The following RABGAP1L variants were observed in gnomAD, a reference collection of about 807,000 sequenced individuals.
RABGAP1L encodes rab GTPase-activating protein 1-like.
A neutral mutation model predicts 137.7 loss-of-function variants in RABGAP1L; 63 were observed. The ratio of observed to expected loss-of-function variants is 0.46; its 90% CI spans 0.37 to 0.56. The LOEUF (loss-of-function observed/expected upper bound fraction) is 0.56, where lower values mean the gene tolerates loss of function less well. RABGAP1L is among the 20% of genes least tolerant of loss of function. The pLI is 0.00. For synonymous variants in RABGAP1L, 431 were observed against 433.7 expected (o/e 0.99, Z 0.08); for missense variants, 1,095 against 1,244.0 (o/e 0.88, Z 1.80).
chr1:174,329,896 A>AT lies in RABGAP1L; in HGVS notation c.1465+24778dup, dbSNP rs879559006. Among the ~76,000 whole-genome samples the AT allele has an allele frequency of 7.8e-4, 118 of 150,622 alleles. 1 individual carries two copies. Among genetic ancestry groups the AT allele is most frequent in the East Asian group, 2.9e-3 (15 of 5,160 alleles). ...AAACAAGGAAAATTTCATAATAATAATTTTTTTTTAAAAAAAGACTGATTT... is the reference window on the plus strand; with the variant it reads ...AAACAAGGAAAATTTCATAATAATAATTTTTTTTTTAAAAAAAGACTGATTT... On this transcript the variant is annotated intron_variant, in intron 11 of 25. Coordinates refer to ENST00000681986, the MANE Select transcript of RABGAP1L (RefSeq NM_001366446.1).
At chr1:174,823,040 T>C (rs1323588417) in intron 19 of RABGAP1L, among the ~76,000 whole-genome samples, 1 of 152,222 alleles carries the variant, frequency 6.6e-6, no homozygotes, top group African/African-American at 2.4e-5. Flanking sequence ...GCATTATGCC[T>C]TTATAGACGT....
At position 174,503,809 on chromosome 1, in the gene RABGAP1L, T is replaced by A. The variant is rs185120160; in HGVS notation, c.1710+109664T>A. 8.1e-4 allele frequency among the ~76,000 whole-genome samples: 123 copies of A among 151,934 alleles called. 1 individual carries two copies. Among genetic ancestry groups the A allele is most frequent in the Non-Finnish European group, 1.2e-3 (83 of 67,938 alleles). On this transcript the variant is annotated intron_variant, in intron 13 of 25. Transcript: ENST00000681986. ...TCAGGAATAAATTTTACCAAGGAGA[T>A]GAAAGACCTCTACACTGAAAACTAT...
Position 174,986,085 on chromosome 1 carries a change from C to T in RABGAP1L, c.2806-2556C>T, listed in dbSNP as rs145471882. Among the ~76,000 whole-genome samples the T allele has an allele frequency of 2.9e-3, 442 of 152,184 alleles. 2 individuals carry two copies. Among genetic ancestry groups the T allele is most frequent in the African/African-American group, 9.8e-3 (407 of 41,522 alleles). On this transcript the variant is annotated intron_variant, in intron 24 of 25. Coordinates refer to ENST00000681986, the MANE Select transcript of RABGAP1L (RefSeq NM_001366446.1). ...TCCCAAGTACATGGGATTACAGTCA[C>T]GCGCCTCCACACCCGGCTAATTTTT...
chr1:174,946,918 AT>A (rs1297215682), intron 19 of RABGAP1L, among the ~76,000 whole-genome samples: 14,429 of 42,426 alleles, frequency 0.34, 2,683 homozygotes, highest in African/African-American at 0.38. Context: ...AAAAAAAAAA[AT>A]ATATATATAT....
intron 13 of RABGAP1L, among the ~76,000 whole-genome samples, chr1:174,579,320 G>A (rs942385474): frequency 1.3e-5 from 2 of 152,080 alleles, no homozygotes; most frequent in African/African-American, 4.8e-5. Context: ...TGATGGGTTA[G>A]GGCAGTTCCT....
intron 17 of RABGAP1L, among the ~76,000 whole-genome samples, chr1:174,748,966 C>G (rs1684108992): frequency 6.6e-6 from 1 of 151,698 alleles, no homozygotes; most frequent in Admixed American, 6.6e-5. Flanking sequence ...CACTTGAGGT[C>G]AAAAGTTTGA....
rs1685251919 is a variant in RABGAP1L, at chr1:174,373,246, C to G, written c.1559+2174C>G. 2.6e-5 allele frequency among the ~76,000 whole-genome samples: 4 copies of G among 152,094 alleles called. 1 individual carries two copies. Among genetic ancestry groups the G allele is most frequent in the Admixed American group, 2.0e-4 (3 of 15,250 alleles). Reference sequence around the variant, plus strand: ...GTGTGTTCTAGTTAGAGGCAGATGACTTTTTCAGTCTCAGACCAGGCTGGG... The same window carrying G: ...GTGTGTTCTAGTTAGAGGCAGATGAGTTTTTCAGTCTCAGACCAGGCTGGG... On this transcript the variant is annotated intron_variant, in intron 12 of 25. Coordinates refer to ENST00000681986, the MANE Select transcript of RABGAP1L (RefSeq NM_001366446.1).
intron 17 of RABGAP1L, among the ~76,000 whole-genome samples, chr1:174,729,696 A>C (rs948390060): frequency 6.6e-6 from 1 of 152,190 alleles, no homozygotes; most frequent in Non-Finnish European, 1.5e-5. Context: ...AAGACATACA[A>C]GCAGCCAAAA....
chr1:174,932,508 A>G (rs565426330), intron 19 of RABGAP1L, among the ~76,000 whole-genome samples: 26 of 152,220 alleles, frequency 1.7e-4, no homozygotes, highest in Middle Eastern at 3.4e-3. Context: ...CATTCATTCT[A>G]TCAGATGGAG....
intron 18 of RABGAP1L, among the ~76,000 whole-genome samples, chr1:174,777,715 T>A: frequency 6.6e-6 from 1 of 151,884 alleles, no homozygotes; most frequent in Non-Finnish European, 1.5e-5. Context: ...AAATTAAACT[T>A]TAAGAGATAA....
intron 19 of RABGAP1L, among the ~76,000 whole-genome samples, chr1:174,929,756 A>ATAAAT (rs1475864675): frequency 7.3e-6 from 1 of 136,132 alleles, no homozygotes; most frequent in Non-Finnish European, 1.6e-5. Flanking sequence ...TCTACAAAAA[A>ATAAAT]TAAATAAATA....
At chr1:174,608,802 A>C (rs961371533) in intron 13 of RABGAP1L, among the ~76,000 whole-genome samples, 10 of 152,198 alleles carry the variant, frequency 6.6e-5, no homozygotes, top group Non-Finnish European at 1.3e-4. Flanking sequence ...TGAAGGGCAG[A>C]AAGTTTAGGA....
chr1:174,276,102 C>T (rs1347051304), intron 9 of RABGAP1L, among the ~76,000 whole-genome samples, 167 bp downstream of exon 9: 1 of 151,962 alleles, frequency 6.6e-6, no homozygotes, highest in Non-Finnish European at 1.5e-5. Flanking sequence ...GAAATCTCCA[C>T]TATTTAAAAA....
At chr1:174,749,524 G>A (rs1354731769) in intron 17 of RABGAP1L, among the ~76,000 whole-genome samples, 1 of 151,886 alleles carries the variant, frequency 6.6e-6, no homozygotes, top group Non-Finnish European at 1.5e-5. Flanking sequence ...TGTAGAGATG[G>A]GGTCTCACTT....
chr1:174,622,137 A>G (rs1313807497), intron 13 of RABGAP1L, among the ~76,000 whole-genome samples: 1 of 152,224 alleles, frequency 6.6e-6, no homozygotes, highest in Non-Finnish European at 1.5e-5. Flanking sequence ...AGAAATGCAA[A>G]TCAAAACCAC....
At chr1:174,365,003 T>C (rs1684488770) in intron 11 of RABGAP1L, among the ~76,000 whole-genome samples, 1 of 152,168 alleles carries the variant, frequency 6.6e-6, no homozygotes, top group African/African-American at 2.4e-5. Context: ...GTGTCCAAGA[T>C]GCAAGACAGA....
At position 174,448,633 on chromosome 1, in the gene RABGAP1L, G is replaced by A. The variant is rs768060874; in HGVS notation, c.1710+54488G>A. 1.9e-6 allele frequency: 3 copies of A among 1,613,794 alleles called. No individual in the cohort carries two copies. The highest frequency in any genetic ancestry group is 1.7e-5 in the Admixed American group (1 of 60,016). ...GGATCTACTCCTGCCTAATTTTCTT[G>A]CCTTCCTTTTTTGGCTGGGGGAAAC... On this transcript the variant is annotated intron_variant, in intron 13 of 25. Transcript: ENST00000681986. This position sits in a 1 kb window ranked among gnomAD's most constrained non-coding sequence, Gnocchi z 4.2.
chr1:174,191,068 A>G (rs1667180228), intron 1 of RABGAP1L, among the ~76,000 whole-genome samples: 1 of 152,200 alleles, frequency 6.6e-6, no homozygotes, highest in Admixed American at 6.5e-5. Flanking sequence ...CAATAGTAAT[A>G]CCAAAGATCG....
chr1:174,553,049 A>G (rs957595692), intron 13 of RABGAP1L, among the ~76,000 whole-genome samples: 4 of 152,052 alleles, frequency 2.6e-5, no homozygotes, highest in African/African-American at 4.8e-5. Flanking sequence ...GTAACTGTTC[A>G]TGTTCTTTGC....
Sources: gnomAD v4.1 joint callset for allele counts (sites outside exome capture counted in the v4.1 genomes callset) on GRCh38, gnomAD v4.1.1 for gene constraint, Gnocchi (gnomAD v3.1) non-coding constraint, MANE v1.5 for transcripts, NCBI Gene and HGNC (gene_info 2026-07-23, HGNC 2026-07-21) for gene names.